The following NKAIN2 variants were observed in gnomAD, a reference collection of about 807,000 sequenced individuals.
The protein encoded by NKAIN2 is sodium/potassium-transporting ATPase subunit beta-1-interacting protein 2.
Under a neutral mutation model 32.6 loss-of-function variants are expected in NKAIN2, and 14 were observed. That is an observed-to-expected ratio of 0.43 (90% confidence interval 0.28 to 0.67). NKAIN2 has a LOEUF of 0.67. Among genes scored for constraint, NKAIN2 ranks in the 30% least tolerant of loss-of-function variants. The pLI is 0.17. For missense variants in NKAIN2, 198 were observed against 258.3 expected (o/e 0.77, Z 1.60); for synonymous variants, 80 against 87.2 (o/e 0.92, Z 0.46).
intron 1 of NKAIN2, among the ~76,000 whole-genome samples, chr6:124,023,671 A>C (rs1261284065): frequency 6.6e-6 from 1 of 152,200 alleles, no homozygotes; most frequent in Non-Finnish European, 1.5e-5. Context: ...ATTGCAGGAC[A>C]GATTAACTTT....
intron 3 of NKAIN2, among the ~76,000 whole-genome samples, chr6:124,509,565 T>C (rs1562228853): frequency 6.6e-6 from 1 of 152,234 alleles, no homozygotes. Context: ...AAAAAGTGTT[T>C]GGTGAGCTCA....
intron 3 of NKAIN2, among the ~76,000 whole-genome samples, chr6:124,499,239 A>T (rs1006608310): frequency 1.3e-5 from 2 of 152,136 alleles, no homozygotes; most frequent in African/African-American, 4.8e-5. Context: ...TTTTTATTTT[A>T]TATGTTTACA....
chr6:124,041,699 A>G (rs1781880337), intron 1 of NKAIN2, among the ~76,000 whole-genome samples: 1 of 152,132 alleles, frequency 6.6e-6, no homozygotes, highest in Middle Eastern at 3.4e-3. Context: ...TGGCTTTTAG[A>G]TATGTGGATA....
At chr6:124,738,821 T>C (rs192313314) in intron 4 of NKAIN2, among the ~76,000 whole-genome samples, 73 of 152,044 alleles carry the variant, frequency 4.8e-4, no homozygotes, top group Non-Finnish European at 6.8e-4. Context: ...TGTTACAACA[T>C]TGTTATAAGA....
intron 2 of NKAIN2, among the ~76,000 whole-genome samples, chr6:124,301,007 A>G (rs1383514330): frequency 6.6e-6 from 1 of 152,158 alleles, no homozygotes; most frequent in East Asian, 1.9e-4. Flanking sequence ...ACCAAGACAA[A>G]GCAGAAAATG....
chr6:123,889,164 C>T (rs1440137101), intron 1 of NKAIN2, among the ~76,000 whole-genome samples: 4 of 152,084 alleles, frequency 2.6e-5, no homozygotes, highest in Non-Finnish European at 5.9e-5. Flanking sequence ...ATTTATATCT[C>T]AGCTTTTCAT....
intron 1 of NKAIN2, among the ~76,000 whole-genome samples, chr6:123,854,094 C>T (rs1775464789): frequency 6.6e-6 from 1 of 152,146 alleles, no homozygotes; most frequent in Non-Finnish European, 1.5e-5. Context: ...TTTCCTTACT[C>T]ATATATTCCT....
At chr6:124,331,369 A>AAAC in intron 2 of NKAIN2, among the ~76,000 whole-genome samples, 1 of 143,742 alleles carries the variant, frequency 7.0e-6, no homozygotes, top group African/African-American at 2.6e-5. Flanking sequence ...AAAAAAAAAA[A>AAAC]AAAAAAAAAA....
chr6:124,736,027 A>G (rs1776920653), intron 4 of NKAIN2, among the ~76,000 whole-genome samples: 1 of 151,944 alleles, frequency 6.6e-6, no homozygotes, highest in Admixed American at 6.6e-5. Flanking sequence ...CAAAAGTCAA[A>G]ACAGGATGAA....
At chr6:124,801,708 G>A (rs1159385711) in intron 5 of NKAIN2, among the ~76,000 whole-genome samples, 1 of 152,160 alleles carries the variant, frequency 6.6e-6, no homozygotes, top group African/African-American at 2.4e-5. Context: ...TGAAAGTTCA[G>A]ACAAGGAAAG....
intron 3 of NKAIN2, among the ~76,000 whole-genome samples, chr6:124,426,409 G>A (rs1040311124): frequency 6.6e-6 from 1 of 152,130 alleles, no homozygotes; most frequent in African/African-American, 2.4e-5. Context: ...CACAGGATAG[G>A]AGAAAATATT....
intron 3 of NKAIN2, among the ~76,000 whole-genome samples, chr6:124,582,049 A>G (rs896456148): frequency 4.6e-5 from 7 of 152,152 alleles, no homozygotes; most frequent in Non-Finnish European, 1.0e-4. Flanking sequence ...TGAAGAGAAG[A>G]CAATAAAAAA....
intron 4 of NKAIN2, among the ~76,000 whole-genome samples, chr6:124,746,818 C>T (rs939190540): frequency 2.0e-5 from 3 of 151,816 alleles, no homozygotes; most frequent in Non-Finnish European, 4.4e-5. Context: ...TATGGGACGT[C>T]GCTTCATCTT....
At chr6:124,242,377 TA>T (rs1793152639) in intron 1 of NKAIN2, among the ~76,000 whole-genome samples, 1 of 152,006 alleles carries the variant, frequency 6.6e-6, no homozygotes, top group Admixed American at 6.6e-5. Flanking sequence ...TGGTGATCAT[TA>T]AAAAATCAGG....
chr6:124,157,027 C>T lies in NKAIN2; in HGVS notation c.55-125978C>T, dbSNP rs186311212. Among the ~76,000 whole-genome samples, 8 of 127,666 alleles carry T rather than the reference C, an allele frequency of 6.3e-5. No individual in the cohort carries two copies. The South Asian group carries it at 8.1e-4, about 13-fold the overall frequency. The allele number at this position is 127,666 out of a possible 152,430, so 83.8% of individuals were successfully genotyped here. On this transcript the variant is annotated intron_variant, in intron 1 of 6. Coordinates refer to ENST00000368417, the MANE Select transcript of NKAIN2 (RefSeq NM_001040214.3). ...CTAAGCCAGGAGAATTGCTTGAACC[C>T]GGGAGGCAGAGGTTGCAGTGAGCCG... is the stretch of plus-strand genomic sequence containing the variant.
chr6:123,947,749 A>G (rs1215206883), intron 1 of NKAIN2, among the ~76,000 whole-genome samples: 1 of 152,184 alleles, frequency 6.6e-6, no homozygotes, highest in Admixed American at 6.5e-5. Flanking sequence ...TCATTTCTAT[A>G]TGCTGGGAAC....
chr6:123,970,534 G>A (rs996549242), intron 1 of NKAIN2, among the ~76,000 whole-genome samples: 6 of 152,112 alleles, frequency 3.9e-5, no homozygotes, highest in African/African-American at 1.4e-4. Flanking sequence ...TTAGCTTTCT[G>A]ACTTGAAAGA....
At chr6:124,234,985 C>CACCAA (rs1401844989) in intron 1 of NKAIN2, among the ~76,000 whole-genome samples, 1 of 152,088 alleles carries the variant, frequency 6.6e-6, no homozygotes. Flanking sequence ...ATGCTGGCTA[C>CACCAA]CATTCAGATG....
At chr6:124,149,476 G>A (rs149078136) in intron 1 of NKAIN2, among the ~76,000 whole-genome samples, 1 of 152,176 alleles carries the variant, frequency 6.6e-6, no homozygotes, top group East Asian at 1.9e-4. Context: ...GAGAGGTCCT[G>A]GTCTAACTGC....
Sources: gnomAD v4.1 joint callset for allele counts (sites outside exome capture counted in the v4.1 genomes callset) on GRCh38, gnomAD v4.1.1 for gene constraint, MANE v1.5 for transcripts, NCBI Gene and HGNC (gene_info 2026-07-23, HGNC 2026-07-21) for gene names.